The following ABI3BP variants were observed in gnomAD, a reference collection of about 807,000 sequenced individuals.
The protein encoded by ABI3BP is target of Nesh-SH3.
In ABI3BP, 216 loss-of-function variants were observed where a neutral mutation model predicts 268.6. The ratio of observed to expected loss-of-function variants is 0.80; its 90% confidence interval spans 0.72 to 0.90. The LOEUF (loss-of-function observed/expected upper bound fraction) is 0.90, where lower values mean the gene tolerates loss of function less well. ABI3BP is among the 40% of genes least tolerant of loss of function. The pLI is 0.00. For synonymous variants in ABI3BP, 730 were observed against 730.0 expected, an observed-to-expected ratio of 1.00 and a Z score of 0.00; for missense variants, 2,090 against 2,182.4, an observed-to-expected ratio of 0.96 and a Z score of 0.84.
At chr3:100,789,683 A>G (rs1577769289) in intron 55 of ABI3BP, among the ~76,000 whole-genome samples, 167 bp from the exon 56 acceptor site, 2 of 152,214 alleles carry the variant, frequency 1.3e-5, no homozygotes, top group Admixed American at 1.3e-4. Context: ...GGAAAATAAA[A>G]CAAAGAAAAT....
At chr3:100,960,133 T>C (rs765812679) in intron 1 of ABI3BP, among the ~76,000 whole-genome samples, 1 of 152,148 alleles carries the variant, frequency 6.6e-6, no homozygotes, top group Non-Finnish European at 1.5e-5. Flanking sequence ...GTAGACAGTA[T>C]GTATAATCAG....
intron 54 of ABI3BP, among the ~76,000 whole-genome samples, chr3:100,793,043 A>C (rs918996779): frequency 1.3e-5 from 2 of 151,832 alleles, no homozygotes; most frequent in Admixed American, 6.6e-5. Flanking sequence ...AGTTGTGGCT[A>C]TTCTTGGATA....
chr3:100,753,434 C>T (rs2095444525), intron 65 of ABI3BP, among the ~76,000 whole-genome samples: 1 of 151,760 alleles, frequency 6.6e-6, no homozygotes, highest in South Asian at 2.1e-4. Flanking sequence ...CACAGGTGTG[C>T]ATCATCATGC....
rs1046825653 is a variant in ABI3BP at position 100,832,320 on chromosome 3, C to T, written c.2345G>A (p.Arg782His). 1.4e-5 allele frequency: 22 copies of T among 1,535,016 alleles called. No homozygotes were observed. The Admixed American group carries it at 1.8e-4, about 12-fold the overall frequency. The change falls in exon 31 of 68, where the codon CGT becomes CAT. Residue 782 changes from arginine to histidine, a missense_variant. By Grantham distance (29) the Arg-to-His change is conservative (BLOSUM62 0). Transcript: ENST00000471714. Reference protein sequence around the residue: ...APTTTTKRTRRPHPKPKTTPH... With the variant: ...APTTTTKRTRHPHPKPKTTPH... ...CGTGGTTTTAGGTTTGGGATGTGGA[C>T]GACGGGTTCTTTTTGTTGTTGTTGT...
At chr3:100,811,688 G>C (rs756021627) in intron 47 of ABI3BP, 40 bp downstream of exon 47, 86 of 1,505,200 alleles carry the variant, frequency 5.7e-5, no homozygotes, top group Middle Eastern at 1.7e-4. Context: ...AATTTAAAAT[G>C]TGTGGAATAA....
chr3:100,861,828 GACC>G (rs2099002227), intron 14 of ABI3BP, among the ~76,000 whole-genome samples: 2 of 152,154 alleles, frequency 1.3e-5, no homozygotes, highest in East Asian at 3.9e-4. Flanking sequence ...CAACCGCAAG[GACC>G]TGTGGTCTCT....
At chr3:100,922,739 C>T (rs777837791) in intron 2 of ABI3BP, among the ~76,000 whole-genome samples, 2 of 152,266 alleles carry the variant, frequency 1.3e-5, no homozygotes, top group South Asian at 2.1e-4. Flanking sequence ...CCTGCCCACA[C>T]CTTGATTTTA....
chr3:100,818,944 G>A (rs2098129434), intron 40 of ABI3BP, among the ~76,000 whole-genome samples: 1 of 152,196 alleles, frequency 6.6e-6, no homozygotes, highest in African/African-American at 2.4e-5. Flanking sequence ...TTAACAGTGT[G>A]TCTAAATGAG....
Position 100,789,490 on chromosome 3 carries a change from T to C in ABI3BP, c.4051A>G (p.Arg1351Gly). The C allele has an allele frequency of 6.3e-7, 1 of 1,599,282 alleles. No homozygotes were observed. The highest frequency in any genetic ancestry group is 8.5e-7 in the Non-Finnish European group (1 of 1,172,396). Residue 1351 changes from arginine (R) to glycine (G), a missense_variant, in exon 56 of 68, where the codon AGG (arginine) becomes GGG (glycine). By Grantham distance (125) the Arg-to-Gly change is moderately radical (BLOSUM62 -2). Transcript: ENST00000471714. ...QAPHRFYTTVRPRTSDKPHIR... is the reference protein window; with the variant it reads ...QAPHRFYTTVGPRTSDKPHIR... ...TGTGGCTTGTCAGATGTTCTGGGCC[T>C]CACAGTAGTATAAAATCTGTGTGGC...
chr3:100,960,611 A>T (rs980363999), intron 1 of ABI3BP, among the ~76,000 whole-genome samples: 1 of 152,224 alleles, frequency 6.6e-6, no homozygotes, highest in Non-Finnish European at 1.5e-5. Flanking sequence ...AAAAGCAGAG[A>T]ACTTTCTCTG....
At chr3:100,846,244 C>A in intron 20 of ABI3BP, 128 bp downstream of exon 20, 1 of 677,702 alleles carries the variant, frequency 1.5e-6, no homozygotes, top group Non-Finnish European at 2.5e-6. Context: ...TCATTGCATG[C>A]TTACACTTTT....
chr3:100,779,718 T>G (rs534072594), intron 58 of ABI3BP, among the ~76,000 whole-genome samples: 2 of 152,230 alleles, frequency 1.3e-5, no homozygotes, highest in South Asian at 4.1e-4. Flanking sequence ...ATTCATACTT[T>G]TGGCCTATTA....
In ABI3BP at chr3:100,960,502, C is replaced by T. The variant is rs534273095; in HGVS notation, c.79+32804G>A. On this transcript the variant is annotated intron_variant, in intron 1 of 67. Transcript: ENST00000471714. ...GGAAAGACAAAAACTGGAAGATGAC[C>T]GTGGCAAAAAGACATATTACATACA... 1.3e-4 allele frequency among the ~76,000 whole-genome samples: 20 copies of T among 152,156 alleles called. 1 individual carries two copies. The South Asian group carries it at 3.1e-3, about 24-fold the overall frequency.
At chr3:100,845,516 C>G (rs940702143) in intron 20 of ABI3BP, among the ~76,000 whole-genome samples, 4 of 152,020 alleles carry the variant, frequency 2.6e-5, no homozygotes, top group Non-Finnish European at 5.9e-5. Context: ...TAAATCATAC[C>G]CACTTTAGCA....
intron 1 of ABI3BP, among the ~76,000 whole-genome samples, chr3:100,949,455 G>T (rs943378418): frequency 6.6e-6 from 1 of 152,002 alleles, no homozygotes; most frequent in African/African-American, 2.4e-5. Flanking sequence ...TAGTAGAAAT[G>T]GAGTTTCGCC....
intron 1 of ABI3BP, among the ~76,000 whole-genome samples, chr3:100,947,372 C>T (rs1008493522): frequency 2.0e-5 from 3 of 152,002 alleles, no homozygotes; most frequent in Non-Finnish European, 4.4e-5. Flanking sequence ...AACATTTAGC[C>T]AATGTTCGCA....
intron 1 of ABI3BP, among the ~76,000 whole-genome samples, chr3:100,973,482 A>AT (rs963393353): frequency 1.3e-5 from 2 of 152,122 alleles, no homozygotes; most frequent in African/African-American, 2.4e-5. Context: ...TGGAAGTTAA[A>AT]TTTTTTCTCC....
intron 3 of ABI3BP, among the ~76,000 whole-genome samples, chr3:100,900,461 C>T (rs555829075): frequency 7.9e-4 from 121 of 152,310 alleles, no homozygotes; most frequent in Non-Finnish European, 1.5e-3. Context: ...AGTCCTGGGT[C>T]TCCTCAATCA....
Position 100,815,926 on chromosome 3 carries a change from G to A in ABI3BP, c.3275C>T (p.Pro1092Leu). 3 of 1,523,186 alleles carry A rather than the reference G, an allele frequency of 2.0e-6. No individual in the cohort carries two copies. Among genetic ancestry groups the A allele is most frequent in the Admixed American group, 2.1e-5 (1 of 47,330 alleles). The allele number at this position is 1,523,186 out of a possible 1,614,324, so 94.4% of individuals were successfully genotyped here. Residue 1092 changes from proline to leucine, a missense_variant, in exon 44 of 68, where the codon CCA becomes CTA. Coordinates refer to ENST00000471714, the MANE Select transcript of ABI3BP (RefSeq NM_001375547.2). ...AAAATCATTACCAAATGTTGTTCCT[G>A]GAGCATCAGTACTATGAACAACAGG... ...FEPVVHSTDA[P>L]GTTFALTELQ...
Sources: allele counts gnomAD v4.1 joint callset (sites outside exome capture counted in the v4.1 genomes callset), GRCh38; gene constraint gnomAD v4.1.1; transcripts MANE v1.5; gene names NCBI Gene and HGNC (gene_info 2026-07-23, HGNC 2026-07-21).